NPAS3: variants seen among roughly 807,000 people sequenced by gnomAD.
NPAS3 encodes neuronal PAS domain-containing protein 3.
A neutral mutation model predicts 73.1 loss-of-function variants in NPAS3; 14 were observed. That is an observed-to-expected ratio of 0.19 (90% CI 0.13 to 0.30). NPAS3 has a LOEUF of 0.30. NPAS3 is among the 10% of genes least tolerant of loss of function. NPAS3 has a pLI of 1.00. For synonymous variants in NPAS3, 620 were observed against 541.5 expected, an observed-to-expected ratio of 1.14 and a Z score of -2.01; for missense variants, 1,096 against 1,250.0, an observed-to-expected ratio of 0.88 and a Z score of 1.86.
intron 3 of NPAS3, among the ~76,000 whole-genome samples, chr14:33,336,879 T>TA (rs2044252009): frequency 6.6e-6 from 1 of 151,964 alleles, no homozygotes; most frequent in African/African-American, 2.4e-5. Flanking sequence ...TCCTTATATC[T>TA]TCTTTGGAGA....
At chr14:33,094,304 G>A (rs575285501) in intron 2 of NPAS3, among the ~76,000 whole-genome samples, 4 of 152,096 alleles carry the variant, frequency 2.6e-5, no homozygotes, top group Middle Eastern at 3.4e-3. Flanking sequence ...ATTTAAAGAT[G>A]CATTTGGGCT....
intron 4 of NPAS3, among the ~76,000 whole-genome samples, chr14:33,447,932 A>G (rs1285761786): frequency 6.6e-6 from 1 of 152,134 alleles, no homozygotes; most frequent in Non-Finnish European, 1.5e-5. Flanking sequence ...AAACAAAAAC[A>G]GAAGGATTAA....
chr14:33,308,390 A>T (rs1465959408), intron 3 of NPAS3, among the ~76,000 whole-genome samples: 4 of 151,930 alleles, frequency 2.6e-5, no homozygotes, highest in African/African-American at 7.3e-5. Flanking sequence ...GGCTTCACAC[A>T]ATAGCTTATA....
intron 4 of NPAS3, among the ~76,000 whole-genome samples, chr14:33,405,495 A>G (rs1257162725): frequency 6.6e-6 from 1 of 152,050 alleles, no homozygotes; most frequent in Non-Finnish European, 1.5e-5. Context: ...TATAAATTTG[A>G]CTGCTTCTTT....
At chr14:33,214,545 A>G (rs754718400) in intron 2 of NPAS3, 2 of 152,400 alleles carry the variant, frequency 1.3e-5, no homozygotes, top group African/African-American at 4.8e-5. Context: ...ATAAATAAGT[A>G]TGCTCTTATC....
chr14:33,315,806 AAGG>A (rs2043187997), intron 3 of NPAS3, among the ~76,000 whole-genome samples: 1 of 151,940 alleles, frequency 6.6e-6, no homozygotes, highest in Non-Finnish European at 1.5e-5. Flanking sequence ...ATGAGAGTAA[AAGG>A]AGACCAGAGG....
chr14:33,772,510 C>A (rs564609605), intron 7 of NPAS3, among the ~76,000 whole-genome samples: 133 of 152,180 alleles, frequency 8.7e-4, no homozygotes, highest in Non-Finnish European at 1.7e-3. Context: ...GAATAGAATA[C>A]CAAGTGGGGA....
intron 3 of NPAS3, among the ~76,000 whole-genome samples, chr14:33,344,029 G>T (rs17100714): frequency 0.061 from 9,238 of 152,246 alleles, 507 homozygotes; most frequent in African/African-American, 0.14. Flanking sequence ...TACGTGTTGT[G>T]ACGCAGAACT....
chr14:33,033,356 G>A (rs532154022), intron 1 of NPAS3, among the ~76,000 whole-genome samples: 1 of 152,104 alleles, frequency 6.6e-6, no homozygotes, highest in African/African-American at 2.4e-5. Context: ...GTGGGTGCCT[G>A]TAATCCCAGC....
At chr14:33,653,714 T>A (rs1031835389) in intron 5 of NPAS3, among the ~76,000 whole-genome samples, 1 of 152,210 alleles carries the variant, frequency 6.6e-6, no homozygotes, top group Admixed American at 6.5e-5. Context: ...AGGTAGCAAA[T>A]ACTTCCCTTG....
At chr14:33,306,565 A>T (rs918746476) in intron 3 of NPAS3, among the ~76,000 whole-genome samples, 1 of 152,222 alleles carries the variant, frequency 6.6e-6, no homozygotes, top group African/African-American at 2.4e-5. Context: ...GAATGCATCA[A>T]ACCACCCAGC....
intron 5 of NPAS3, among the ~76,000 whole-genome samples, chr14:33,644,373 CA>C (rs2058762768): frequency 6.6e-6 from 1 of 152,124 alleles, no homozygotes; most frequent in South Asian, 2.1e-4. Context: ...ATTTTGAACC[CA>C]AACTTGAAGC....
chr14:33,371,774 G>A (rs2046100265), intron 4 of NPAS3, among the ~76,000 whole-genome samples: 1 of 152,128 alleles, frequency 6.6e-6, no homozygotes, highest in African/African-American at 2.4e-5. Context: ...ATGGATTTCA[G>A]CTTAAATATG....
rs545200274 is a variant in NPAS3 at position 33,210,851 on chromosome 14, C to T, written c.141-4331C>T. On this transcript the variant is annotated intron_variant, in intron 2 of 11. Coordinates refer to ENST00000356141, the Ensembl canonical transcript of NPAS3. Reference sequence around the variant, plus strand: ...CTAATTAAATATATTTTTATTTGAACAACTCACTAAGTACACTTATGGTAT... The same window carrying T: ...CTAATTAAATATATTTTTATTTGAATAACTCACTAAGTACACTTATGGTAT... Among the ~76,000 whole-genome samples, 6 of 152,086 alleles carry T rather than the reference C, an allele frequency of 3.9e-5. No homozygotes were observed. The South Asian group carries it at 1.2e-3, about 32-fold the overall frequency.
intron 2 of NPAS3, among the ~76,000 whole-genome samples, chr14:33,181,037 T>G (rs1187007662): frequency 6.6e-6 from 1 of 152,254 alleles, no homozygotes; most frequent in East Asian, 1.9e-4. Context: ...TGAAGGATTA[T>G]CTGATGTTAC....
chr14:33,478,908 A>G (rs538875881), intron 4 of NPAS3, among the ~76,000 whole-genome samples: 49 of 152,134 alleles, frequency 3.2e-4, no homozygotes, highest in Non-Finnish European at 6.8e-4. Flanking sequence ...CTGGCTGCCA[A>G]TCTCATTAAA....
intron 3 of NPAS3, among the ~76,000 whole-genome samples, chr14:33,240,663 G>A (rs996935183): frequency 6.6e-5 from 10 of 151,794 alleles, no homozygotes; most frequent in Admixed American, 2.6e-4. Context: ...TTCCTCTCTT[G>A]AGAGACCACA....
At chr14:32,945,699 G>A (rs549519761) in intron 1 of NPAS3, among the ~76,000 whole-genome samples, 1 of 152,266 alleles carries the variant, frequency 6.6e-6, no homozygotes, top group South Asian at 2.1e-4. Context: ...TTCACTATGG[G>A]TAGTGAACGA....
rs191725691 is a variant in NPAS3 at position 33,576,085 on chromosome 14, C to T, written c.558+15875C>T. On this transcript the variant is annotated intron_variant, in intron 5 of 11. Transcript: ENST00000356141. ...AATGTGTAAAGTAAGCCATGATCTA[C>T]GCCTGCTTGCAAAAGTGGGCCTCTT... Among the ~76,000 whole-genome samples, 482 of 152,142 alleles carry T rather than the reference C, an allele frequency of 3.2e-3. 3 individuals carry two copies. Among genetic ancestry groups the T allele is most frequent in the Non-Finnish European group, 4.8e-3 (327 of 68,000 alleles).
Sources: allele counts gnomAD v4.1 joint callset (sites outside exome capture counted in the v4.1 genomes callset), GRCh38; gene constraint gnomAD v4.1.1; transcripts MANE v1.5; gene names NCBI Gene and HGNC (gene_info 2026-07-23, HGNC 2026-07-21).